Variants in DACH2 observed in about 807,000 individuals in gnomAD.
DACH2 encodes the protein dachshund homolog 2.
DACH2 carries 17 observed loss-of-function variants against 35.8 expected under a neutral mutation model. That is an observed-to-expected ratio of 0.48 (90% confidence interval 0.33 to 0.71). The LOEUF (loss-of-function observed/expected upper bound fraction) is 0.71, where lower values mean the gene tolerates loss of function less well. DACH2 is among the 30% of genes least tolerant of loss of function. The pLI, the probability that DACH2 is intolerant of heterozygous loss-of-function variation, is 0.02. For missense variants in DACH2, 469 were observed against 472.7 expected (o/e 0.99, Z 0.07); for synonymous variants, 195 against 177.3 (o/e 1.10, Z -0.79).
intron 2 of DACH2, among the ~76,000 whole-genome samples, chrX:86,396,657 G>A (rs7876328): frequency 0.084 from 9,193 of 109,985 alleles, 1,061 homozygotes; most frequent in African/African-American, 0.29. Context: ...TCCTTTCCCC[G>A]TTGCTTGTTT....
Position 86,491,671 on chromosome X carries a change from T to G in DACH2, c.528-22608T>G, listed in dbSNP as rs531764002. 1.2e-4 allele frequency among the ~76,000 whole-genome samples: 13 copies of G among 111,847 alleles called. No individual in the cohort carries two copies. In the South Asian group the frequency reaches 4.4e-3, roughly 38 times the overall value. ...AAACAACAAAAACATTTTGCACGTG[T>G]TGTCTTTATAAGAGTTAAAAGGATG... On this transcript the variant is annotated intron_variant, in intron 2 of 11. Coordinates refer to ENST00000373125, the MANE Select transcript of DACH2 (RefSeq NM_053281.3).
At chrX:86,744,426 C>A (rs987355168) in intron 7 of DACH2, among the ~76,000 whole-genome samples, 1 of 111,748 alleles carries the variant, frequency 8.9e-6, no homozygotes, top group Admixed American at 9.6e-5. Context: ...GTAGAAGTGT[C>A]AACATTTATT....
intron 1 of DACH2, among the ~76,000 whole-genome samples, chrX:86,232,364 A>T (rs1312422563): frequency 3.6e-5 from 4 of 112,215 alleles, no homozygotes; most frequent in African/African-American, 1.3e-4. Context: ...GAATTTAATT[A>T]AAAAACTTCT....
At chrX:86,464,629 A>T (rs183140797) in intron 2 of DACH2, among the ~76,000 whole-genome samples, 6 of 111,519 alleles carry the variant, frequency 5.4e-5, no homozygotes, top group Admixed American at 9.6e-5. Flanking sequence ...TGGCACACGT[A>T]TACCTATGTA....
intron 1 of DACH2, among the ~76,000 whole-genome samples, chrX:86,159,799 ATAATT>A (rs2030681467): frequency 8.9e-6 from 1 of 111,773 alleles, no homozygotes; most frequent in Non-Finnish European, 1.9e-5. Context: ...AACAATACAT[ATAATT>A]CAAAAACGTG....
chrX:86,494,907 T>C (rs1173958635), intron 2 of DACH2, among the ~76,000 whole-genome samples: 7 of 112,817 alleles, frequency 6.2e-5, no homozygotes, highest in Non-Finnish European at 1.3e-4. Flanking sequence ...TCAATATTTC[T>C]AGTGGTCGCA....
At chrX:86,305,974 G>T (rs1403793866) in intron 1 of DACH2, among the ~76,000 whole-genome samples, 1 of 111,922 alleles carries the variant, frequency 8.9e-6, no homozygotes, top group Non-Finnish European at 1.9e-5. Context: ...ACGGTTAAAA[G>T]AGAACTTTTA....
At chrX:86,303,886 C>T (rs1226601448) in intron 1 of DACH2, among the ~76,000 whole-genome samples, 2 of 111,086 alleles carry the variant, frequency 1.8e-5, no homozygotes, top group Admixed American at 1.9e-4. Context: ...AAAACACAAT[C>T]TGAAAATTCG....
intron 7 of DACH2, among the ~76,000 whole-genome samples, chrX:86,809,939 C>A (rs1393670010): frequency 5.4e-5 from 6 of 110,883 alleles, no homozygotes; most frequent in Admixed American, 1.9e-4. Context: ...TGAATCATTG[C>A]CTGCATACCT....
intron 1 of DACH2, among the ~76,000 whole-genome samples, chrX:86,359,620 A>G (rs768665884): frequency 9.0e-6 from 1 of 111,155 alleles, no homozygotes; most frequent in South Asian, 3.8e-4. Context: ...ACAGTGGTGC[A>G]CGTCTGTAGT....
chrX:86,632,943 C>G lies in DACH2; in HGVS notation c.641-18093C>G, dbSNP rs1299204377. ...CCTATAGGATACAGCAAAGGCACTGCTAAGAGAGAAATTTATAGAGTTAAA... is the reference window on the plus strand; with the variant it reads ...CCTATAGGATACAGCAAAGGCACTGGTAAGAGAGAAATTTATAGAGTTAAA... On this transcript the variant is annotated intron_variant, in intron 3 of 11. Transcript: ENST00000373125. Among the ~76,000 whole-genome samples the G allele has an allele frequency of 2.7e-5, 3 of 109,766 alleles. No individual in the cohort carries two copies. In the Admixed American group the frequency reaches 2.9e-4, roughly 11 times the overall value.
intron 2 of DACH2, among the ~76,000 whole-genome samples, chrX:86,435,311 A>G (rs2148176273): frequency 8.9e-6 from 1 of 111,793 alleles, no homozygotes; most frequent in Non-Finnish European, 1.9e-5. Flanking sequence ...TTTGTCAAGA[A>G]CTTTTAACAT....
intron 2 of DACH2, chrX:86,481,486 G>A (rs1484717655): frequency 8.9e-6 from 1 of 111,843 alleles, no homozygotes; most frequent in Admixed American, 9.5e-5. Flanking sequence ...ATAAATGAGA[G>A]AAGAACATTT....
intron 1 of DACH2, among the ~76,000 whole-genome samples, chrX:86,210,441 G>A (rs576479108): frequency 6.3e-5 from 7 of 111,248 alleles, no homozygotes; most frequent in Admixed American, 9.6e-5. Flanking sequence ...TTAACCTTGT[G>A]AGAGTTTAAT....
intron 2 of DACH2, among the ~76,000 whole-genome samples, chrX:86,400,929 T>C (rs1569380468): frequency 8.9e-6 from 1 of 112,397 alleles, no homozygotes; most frequent in Non-Finnish European, 1.9e-5. Flanking sequence ...CATTTAAGTA[T>C]GCAGAGATTA....
At chrX:86,334,928 T>C (rs1023093058) in intron 1 of DACH2, among the ~76,000 whole-genome samples, 11 of 112,272 alleles carry the variant, frequency 9.8e-5, no homozygotes, top group African/African-American at 3.6e-4. Context: ...CTTGATTTAA[T>C]TTATGTATAA....
At chrX:86,332,245 ATACTT>A (rs1211835119) in intron 1 of DACH2, among the ~76,000 whole-genome samples, 1 of 111,639 alleles carries the variant, frequency 9.0e-6, no homozygotes, top group East Asian at 2.8e-4. Context: ...AACAAACAAA[ATACTT>A]TAATTTTAAA....
chrX:86,275,987 T>C (rs1317260519), intron 1 of DACH2, among the ~76,000 whole-genome samples: 12 of 112,511 alleles, frequency 1.1e-4, no homozygotes, highest in Admixed American at 8.5e-4. Flanking sequence ...TTCCGAAAAT[T>C]AGCTATTGTA....
intron 1 of DACH2, among the ~76,000 whole-genome samples, chrX:86,274,038 C>T (rs971190893): frequency 2.7e-5 from 3 of 111,920 alleles, no homozygotes; most frequent in Non-Finnish European, 5.6e-5. Context: ...GTCAGCATTT[C>T]TTGCACAGTT....
Sources: gnomAD v4.1 joint callset for allele counts (sites outside exome capture counted in the v4.1 genomes callset) on GRCh38, gnomAD v4.1.1 for gene constraint, MANE v1.5 for transcripts, NCBI Gene and HGNC (gene_info 2026-07-23, HGNC 2026-07-21) for gene names.